The following ZC3H12B variants were observed in gnomAD, a reference collection of about 807,000 sequenced individuals.
ZC3H12B encodes probable ribonuclease ZC3H12B.
ZC3H12B carries 7 observed loss-of-function variants against 43.9 expected under a neutral mutation model. That is an observed-to-expected ratio of 0.16 (90% CI 0.09 to 0.30). ZC3H12B has a LOEUF of 0.30. Among genes scored for constraint, ZC3H12B ranks in the 10% least tolerant of loss-of-function variants. ZC3H12B has a pLI of 1.00. For synonymous variants in ZC3H12B, 222 were observed against 241.7 expected, an observed-to-expected ratio of 0.92 and a Z score of 0.76; for missense variants, 475 against 670.2, an observed-to-expected ratio of 0.71 and a Z score of 3.22.
chrX:65,202,859 G>T, the ZC3H12B span, among the ~76,000 whole-genome samples: 1 of 111,610 alleles, frequency 9.0e-6, no homozygotes, highest in Non-Finnish European at 1.9e-5. Flanking sequence ...ACCCTGGGAA[G>T]GTCTAGAGCT....
upstream of ZC3H12B, among the ~76,000 whole-genome samples, chrX:65,364,532 C>G (rs1415566504): frequency 9.0e-6 from 1 of 110,955 alleles, no homozygotes; most frequent in African/African-American, 3.3e-5. Flanking sequence ...GTTCCAACTT[C>G]TATCCTTCAT....
At chrX:65,209,982 C>A in the ZC3H12B span, among the ~76,000 whole-genome samples, 8 of 76,553 alleles carry the variant, frequency 1.0e-4, 1 homozygote, top group East Asian at 1.4e-3. Context: ...AAAACCTAGG[C>A]ATTACCATTC....
At chrX:65,070,816 G>GTTTTT in the ZC3H12B span, among the ~76,000 whole-genome samples, 7 of 56,048 alleles carry the variant, frequency 1.2e-4, no homozygotes, top group African/African-American at 2.0e-4. Flanking sequence ...TATGATTTCT[G>GTTTTT]TTTTTTTTTT....
the ZC3H12B span, among the ~76,000 whole-genome samples, chrX:65,107,577 G>T: frequency 9.0e-6 from 1 of 111,188 alleles, no homozygotes; most frequent in Non-Finnish European, 1.9e-5. Flanking sequence ...ATCTCACCTT[G>T]AATTGTAGTT....
At chrX:65,063,399 T>C in the ZC3H12B span, among the ~76,000 whole-genome samples, 1 of 112,303 alleles carries the variant, frequency 8.9e-6, no homozygotes, top group Non-Finnish European at 1.9e-5. Context: ...GAAGGCTGTT[T>C]GTGCATCTGT....
the ZC3H12B span, among the ~76,000 whole-genome samples, chrX:65,175,378 A>C: frequency 4.5e-5 from 5 of 111,936 alleles, no homozygotes; most frequent in Non-Finnish European, 1.9e-5. Context: ...TTTACTTAAA[A>C]ATTTCCCCCA....
At chrX:65,265,113 G>C in the ZC3H12B span, among the ~76,000 whole-genome samples, 1 of 111,874 alleles carries the variant, frequency 8.9e-6, no homozygotes, top group Non-Finnish European at 1.9e-5. Flanking sequence ...TCAGTGTCAA[G>C]TACTATTTTA....
At chrX:65,123,856 A>G in the ZC3H12B span, among the ~76,000 whole-genome samples, 1 of 109,077 alleles carries the variant, frequency 9.2e-6, no homozygotes, top group Non-Finnish European at 1.9e-5. Flanking sequence ...CTGAATCTTC[A>G]CTGAGTTCAT....
At chrX:65,476,821 T>G (rs1292051476) in intron 3 of ZC3H12B, among the ~76,000 whole-genome samples, 1 of 107,713 alleles carries the variant, frequency 9.3e-6, no homozygotes, top group Non-Finnish European at 1.9e-5. Context: ...CATGTGAAAC[T>G]GCTGACTGGA....
At chrX:65,278,403 C>G in the ZC3H12B span, among the ~76,000 whole-genome samples, 1 of 111,494 alleles carries the variant, frequency 9.0e-6, no homozygotes, top group African/African-American at 3.3e-5. Context: ...TCCCAGAAAA[C>G]TTATGAATAA....
At chrX:65,476,302 T>A (rs896279140) in intron 3 of ZC3H12B, among the ~76,000 whole-genome samples, 3 of 112,235 alleles carry the variant, frequency 2.7e-5, no homozygotes, top group Admixed American at 9.5e-5. Flanking sequence ...TTTTCATTCT[T>A]TTTACTTTTT....
the ZC3H12B span, among the ~76,000 whole-genome samples, chrX:65,146,516 TG>T: frequency 9.0e-6 from 1 of 111,574 alleles, no homozygotes; most frequent in Non-Finnish European, 1.9e-5. Context: ...GTGTGATTTT[TG>T]GGGGGTGTTA....
the ZC3H12B span, chrX:65,271,815 T>A: frequency 1.3e-5 from 2 of 156,347 alleles, no homozygotes; most frequent in Admixed American, 1.1e-4. Flanking sequence ...ATAGCCAGAG[T>A]TGAAAAGGCT....
At chrX:65,122,170 G>A in the ZC3H12B span, among the ~76,000 whole-genome samples, 2 of 111,161 alleles carry the variant, frequency 1.8e-5, no homozygotes, top group African/African-American at 3.3e-5. Context: ...GGTCTGCTTG[G>A]TGCAGAGCTG....
chrX:65,378,785 C>T (rs1416222936), intron 2 of ZC3H12B, among the ~76,000 whole-genome samples: 1 of 112,731 alleles, frequency 8.9e-6, no homozygotes, highest in Non-Finnish European at 1.9e-5. Context: ...TGAGGCATTG[C>T]CTCACTCGGG....
At chrX:65,111,946 T>A in the ZC3H12B span, among the ~76,000 whole-genome samples, 1 of 111,776 alleles carries the variant, frequency 8.9e-6, no homozygotes, top group East Asian at 2.8e-4. Flanking sequence ...TCACTTTAGA[T>A]CAAAGGCCAG....
At chrX:65,129,700 C>T in the ZC3H12B span, among the ~76,000 whole-genome samples, 1 of 110,877 alleles carries the variant, frequency 9.0e-6, no homozygotes. Context: ...TTCCTGTCTT[C>T]TTGTATTAAT....
chrX:65,350,768 T>C, the ZC3H12B span, among the ~76,000 whole-genome samples: 1 of 111,690 alleles, frequency 9.0e-6, no homozygotes, highest in Admixed American at 9.5e-5. Context: ...ACAAGGGATG[T>C]GAAGGACCTC....
At chrX:65,346,075 C>T in the ZC3H12B span, among the ~76,000 whole-genome samples, 1 of 111,114 alleles carries the variant, frequency 9.0e-6, no homozygotes, top group East Asian at 2.8e-4. Context: ...CAAACTATTC[C>T]TATCAAACTT....
Sources: allele counts gnomAD v4.1 joint callset (sites outside exome capture counted in the v4.1 genomes callset), GRCh38; gene constraint gnomAD v4.1.1; transcripts MANE v1.5; gene names NCBI Gene and HGNC (gene_info 2026-07-23, HGNC 2026-07-21).